The following COQ10B variants were observed in gnomAD, a reference collection of about 807,000 sequenced individuals.
COQ10B encodes coenzyme Q-binding protein COQ10 homolog B, mitochondrial.
Under a neutral mutation model 27.6 loss-of-function variants are expected in COQ10B, and 12 were observed. The observed-to-expected ratio is 0.43, with a 90% confidence interval of 0.28 to 0.70. COQ10B has a LOEUF of 0.70. Ranked by LOEUF, COQ10B falls within the 30% of genes least tolerant of loss-of-function variation. The pLI, the probability that COQ10B is intolerant of heterozygous loss-of-function variation, is 0.17. For synonymous variants in COQ10B, 115 were observed against 103.0 expected (o/e 1.12, Z -0.71); for missense variants, 278 against 288.7 (o/e 0.96, Z 0.27).
At chr2:197,473,160 G>A (rs1448943791) in intron 4 of COQ10B, among the ~76,000 whole-genome samples, 1 of 151,514 alleles carries the variant, frequency 6.6e-6, no homozygotes, top group Non-Finnish European at 1.5e-5. Flanking sequence ...CTTTTGTGGG[G>A]GTGCTAAAAA....
At chr2:197,472,530 G>A (rs537058814) in intron 4 of COQ10B, among the ~76,000 whole-genome samples, 9 of 152,100 alleles carry the variant, frequency 5.9e-5, no homozygotes, top group African/African-American at 1.2e-4. Context: ...GTGGCCGGGC[G>A]CAGTGGCTCA....
At chr2:197,456,560 C>T (rs542149401) in intron 1 of COQ10B, among the ~76,000 whole-genome samples, 6 of 150,982 alleles carry the variant, frequency 4.0e-5, no homozygotes, top group South Asian at 4.2e-4. Flanking sequence ...GTCAGGAGAT[C>T]GAGACCATCC....
Position 197,475,112 on chromosome 2 carries a change from A to G in COQ10B, c.*1188A>G, listed in dbSNP as rs944077488. The G allele has an allele frequency of 6.6e-6, 1 of 152,298 alleles. No homozygotes were observed. The highest frequency in any genetic ancestry group is 2.4e-5 in the African/African-American group (1 of 41,442). 9.4% of individuals were successfully genotyped at this position (152,298 alleles called of 1,614,324 possible). A position where few individuals can be genotyped will look rare whatever the true frequency, so the allele number is the denominator to read the frequency against. On this transcript the variant is annotated 3_prime_UTR_variant, in exon 5 of 5. Coordinates refer to ENST00000263960, the MANE Select transcript of COQ10B (RefSeq NM_025147.5). ...TTGAAGTAGCAATGTAATAAAGTTA[A>G]TTTGTTTATTTTTTGTACAGTTAGT... is the stretch of plus-strand genomic sequence containing the variant.
intron 1 of COQ10B, among the ~76,000 whole-genome samples, chr2:197,456,036 AT>A (rs2085694829): frequency 6.6e-6 from 1 of 152,198 alleles, no homozygotes. Flanking sequence ...TGGGAATACT[AT>A]TCAGCCATAA....
At chr2:197,461,627 CAGAGAGAGAGAGAGAGAG>C (rs66918493) in intron 2 of COQ10B, among the ~76,000 whole-genome samples, 1 of 129,422 alleles carries the variant, frequency 7.7e-6, no homozygotes. Flanking sequence ...TACAGGGTCT[CAGAGAGAGAGAGAGAGAG>C]AGAGAGAGAG....
At chr2:197,471,035 C>T (rs1316617180) in intron 4 of COQ10B, among the ~76,000 whole-genome samples, 1 of 152,206 alleles carries the variant, frequency 6.6e-6, no homozygotes, top group Non-Finnish European at 1.5e-5. Flanking sequence ...CACTGTACTC[C>T]ATCCTGGGCA....
chr2:197,468,494 A>G (rs1352122235), intron 3 of COQ10B, among the ~76,000 whole-genome samples: 1 of 152,052 alleles, frequency 6.6e-6, no homozygotes, highest in Non-Finnish European at 1.5e-5. Flanking sequence ...GTTACAGTGA[A>G]TACTCCCAAA....
Position 197,462,578 on chromosome 2 carries a change from G to C in COQ10B, c.294G>C (p.Val98=). 1 of 1,593,966 alleles carries C rather than the reference G, an allele frequency of 6.3e-7. No individual in the cohort carries two copies. Among genetic ancestry groups the C allele is most frequent in the Non-Finnish European group, 8.6e-7 (1 of 1,166,646 alleles). ...AAATGTATGATGTAGTATCGGGAGT[G>C]GAGGATTACAAGCATTTTGTTCCTT... The part of the protein sequence containing the change: ...MQEMYDVVSG[V]EDYKHFVPWC... Residue 98 remains valine, a synonymous_variant, in exon 3 of 5, where the codon GTG becomes GTC. Coordinates refer to ENST00000263960, the MANE Select transcript of COQ10B (RefSeq NM_025147.5).
chr2:197,458,631 C>T (rs1018854774), intron 1 of COQ10B, among the ~76,000 whole-genome samples: 1 of 151,554 alleles, frequency 6.6e-6, no homozygotes, highest in African/African-American at 2.4e-5. Context: ...GACTAAATGA[C>T]TAGTAGTGTC....
chr2:197,453,775 T>G, intron 1 of COQ10B, 111 bp downstream of exon 1: 1 of 1,103,488 alleles, frequency 9.1e-7, no homozygotes, highest in Non-Finnish European at 1.3e-6. Context: ...TGCATTTCCG[T>G]GTCTTTAGAG....
At chr2:197,467,204 C>T (rs1296233192) in intron 3 of COQ10B, among the ~76,000 whole-genome samples, 2 of 152,088 alleles carry the variant, frequency 1.3e-5, no homozygotes, top group Non-Finnish European at 2.9e-5. Flanking sequence ...GCCTCGGCAT[C>T]CCAAAACACT....
At chr2:197,459,727 C>T (rs2085735881) in intron 1 of COQ10B, among the ~76,000 whole-genome samples, 1 of 151,862 alleles carries the variant, frequency 6.6e-6, no homozygotes, top group Non-Finnish European at 1.5e-5. Context: ...AAGCTTCTAA[C>T]CTAACTAAGC....
At chr2:197,462,801 G>C in intron 3 of COQ10B, 70 bp downstream of exon 3, 1 of 945,870 alleles carries the variant, frequency 1.1e-6, no homozygotes, top group East Asian at 2.8e-5. Context: ...GAGTTAAAAT[G>C]TAATAGCCTA....
In COQ10B at chr2:197,456,194, G is replaced by A. The variant is rs535058909; in HGVS notation, c.104+2530G>A. On this transcript the variant is annotated intron_variant, in intron 1 of 4. Coordinates refer to ENST00000263960, the MANE Select transcript of COQ10B (RefSeq NM_025147.5). ...AAAAAAGTTGATCTTGGCCAGGCACGGTGGCTTATGCCTGTAATCCCAGCA... is the reference window on the plus strand; with the variant it reads ...AAAAAAGTTGATCTTGGCCAGGCACAGTGGCTTATGCCTGTAATCCCAGCA... 8.5e-5 allele frequency among the ~76,000 whole-genome samples: 13 copies of A among 152,140 alleles called. No individual in the cohort carries two copies. The South Asian group carries it at 2.3e-3, about 27-fold the overall frequency.
At chr2:197,458,212 A>C (rs181438998) in intron 1 of COQ10B, among the ~76,000 whole-genome samples, 236 of 151,762 alleles carry the variant, frequency 1.6e-3, no homozygotes, top group African/African-American at 5.5e-3. Flanking sequence ...ATGTATGTAC[A>C]TATGTATATG....
chr2:197,469,194 C>A (rs2085855871), intron 3 of COQ10B, among the ~76,000 whole-genome samples: 1 of 152,080 alleles, frequency 6.6e-6, no homozygotes, highest in Admixed American at 6.6e-5. Flanking sequence ...ATCACTAAAC[C>A]TGGCTAATTT....
intron 3 of COQ10B, among the ~76,000 whole-genome samples, chr2:197,464,024 C>CACACAT (rs1303164651): frequency 1.8e-5 from 2 of 110,000 alleles, no homozygotes; most frequent in East Asian, 2.3e-4. Flanking sequence ...CACACACACA[C>CACACAT]ACATACATAC....
At chr2:197,454,279 A>T (rs972388337) in intron 1 of COQ10B, 1 of 681,400 alleles carries the variant, frequency 1.5e-6, no homozygotes, top group Admixed American at 3.2e-5. Context: ...GGGGGTGGAG[A>T]TGGAGGTCGG....
intron 3 of COQ10B, among the ~76,000 whole-genome samples, chr2:197,465,296 T>C (rs1230376709): frequency 1.3e-5 from 2 of 151,862 alleles, no homozygotes; most frequent in African/African-American, 4.8e-5. Context: ...CGCCTTTTTT[T>C]TTTTTTCCTT....
Sources: allele counts gnomAD v4.1 joint callset (sites outside exome capture counted in the v4.1 genomes callset), GRCh38; gene constraint gnomAD v4.1.1; transcripts MANE v1.5; gene names NCBI Gene and HGNC (gene_info 2026-07-23, HGNC 2026-07-21).